VWA3A: variants seen among roughly 807,000 people sequenced by gnomAD.
VWA3A encodes von Willebrand factor A domain-containing protein 3A.
VWA3A carries 134 observed loss-of-function variants against 160.4 expected under a neutral mutation model. That is an observed-to-expected ratio of 0.84 (90% CI 0.73 to 0.96). The LOEUF is 0.96. Among genes scored for constraint, VWA3A ranks in the 40% least tolerant of loss-of-function variants. VWA3A has a pLI of 0.00. For missense variants in VWA3A, 1,310 were observed against 1,447.9 expected (o/e 0.90, Z 1.55); for synonymous variants, 476 against 543.4 (o/e 0.88, Z 1.72).
intron 29 of VWA3A, among the ~76,000 whole-genome samples, chr16:22,150,282 T>A (rs908721978): frequency 1.3e-5 from 2 of 152,094 alleles, no homozygotes; most frequent in East Asian, 3.8e-4. Context: ...ATGCCTGTAA[T>A]CCCAACTACT....
intron 18 of VWA3A, 96 bp from the exon 19 acceptor site, chr16:22,131,488 AT>A: frequency 6.4e-7 from 1 of 1,551,898 alleles, no homozygotes; most frequent in African/African-American, 1.4e-5. Flanking sequence ...CATCGACTCC[AT>A]CACGTCTGAG....
In VWA3A at chr16:22,135,746, T is replaced by C. The variant is rs972229193; in HGVS notation, c.2139+1308T>C. Among the ~76,000 whole-genome samples, 13 of 152,294 alleles carry C rather than the reference T, an allele frequency of 8.5e-5. No individual in the cohort carries two copies. In the South Asian group the frequency reaches 1.0e-3, roughly 12 times the overall value. On this transcript the variant is annotated intron_variant, in intron 21 of 33. Coordinates refer to ENST00000389398, the MANE Select transcript of VWA3A (RefSeq NM_173615.5). ...TCCTCTGTCCTTCCCATCCCAGACC[T>C]TTCATGGCTTGCTCCTTATCATTAG...
chr16:22,118,827 G>A, intron 11 of VWA3A, 75 bp from the exon 12 acceptor site: 1 of 1,586,846 alleles, frequency 6.3e-7, no homozygotes, highest in Admixed American at 1.7e-5. Flanking sequence ...TGGCCTGGCT[G>A]CTTGCCCCTT....
chr16:22,110,890 C>G lies in VWA3A; in HGVS notation c.585C>G (p.Ser195Arg), dbSNP rs768454235. 1.9e-5 allele frequency: 31 copies of G among 1,603,786 alleles called. No homozygotes were observed. The South Asian group carries it at 3.2e-4, about 16-fold the overall frequency. Residue 195 changes from serine (S) to arginine (R), a missense_variant and splice_region_variant, in exon 8 of 34, where the codon AGC (serine) becomes AGG (arginine). Coordinates refer to ENST00000389398, the MANE Select transcript of VWA3A (RefSeq NM_173615.5). ...QKEEFQKDLMSLIDEQLSHKE... is the reference protein window; with the variant it reads ...QKEEFQKDLMRLIDEQLSHKE... ...AGTGATGTCCTTTTGTCCAACAGAG[C>G]CTCATCGATGAGCAGCTGAGCCACA... is the stretch of plus-strand genomic sequence containing the variant.
intron 6 of VWA3A, among the ~76,000 whole-genome samples, chr16:22,106,732 G>A (rs963742405): frequency 6.6e-6 from 1 of 152,194 alleles, no homozygotes; most frequent in Admixed American, 6.5e-5. Flanking sequence ...AAAGAATCAC[G>A]CTGGCTGCTG....
At chr16:22,117,565 C>T (rs2045668718) in intron 11 of VWA3A, among the ~76,000 whole-genome samples, 1 of 152,210 alleles carries the variant, frequency 6.6e-6, no homozygotes. Context: ...AGATCAACTC[C>T]TGCTACTGCA....
Position 22,100,216 on chromosome 16 carries a change from A to C in VWA3A, c.248A>C (p.Gln83Pro). ...DLLRLQGSET[Q>P]SSDWEDSEDW... ...CAGAGGCTGCAGGGGAGTGAGACCC[A>C]GTCTTCAGATTGGGAGGACTCTGAA... Residue 83 changes from glutamine (Q) to proline (P), a missense_variant, in exon 4 of 34, where the codon CAG becomes CCG. Transcript: ENST00000389398. 6.5e-7 allele frequency: 1 copy of C among 1,549,780 alleles called. No homozygotes were observed. The highest frequency in any genetic ancestry group is 8.7e-7 in the Non-Finnish European group (1 of 1,146,668).
rs538640938 is a variant in VWA3A at position 22,114,011 on chromosome 16, T to C, written c.690-1336T>C. On this transcript the variant is annotated intron_variant, in intron 8 of 33. Coordinates refer to ENST00000389398, the MANE Select transcript of VWA3A (RefSeq NM_173615.5). ...TAATTAGAAAGCAACCATATATCTT[T>C]CTTTAATGGCTTTGAGAAAAAAAAA... Among the ~76,000 whole-genome samples, 4 of 152,078 alleles carry C rather than the reference T, an allele frequency of 2.6e-5. No individual in the cohort carries two copies. In the South Asian group the frequency reaches 8.3e-4, roughly 32 times the overall value.
In VWA3A at chr16:22,149,670, C is replaced by T. The variant is rs367592553; in HGVS notation, c.2985-117C>T. On this transcript the variant is annotated intron_variant, in intron 28 of 33. Transcript: ENST00000389398. The stretch of plus-strand genomic sequence containing the variant: ...GGCTCGTTGTAGGGGTCTTCAGTGA[C>T]GAGCAAGAATAGTCCTCATGAGGGT... 20 of 1,300,430 alleles carry T rather than the reference C, an allele frequency of 1.5e-5. No homozygotes were observed. In the Admixed American group the frequency reaches 2.0e-4, roughly 13 times the overall value. The allele number at this position is 1,300,430 out of a possible 1,614,324, so 80.6% of individuals were successfully genotyped here.
At chr16:22,099,968 G>A (rs376833600) in intron 3 of VWA3A, among the ~76,000 whole-genome samples, 1 of 152,032 alleles carries the variant, frequency 6.6e-6, no homozygotes, top group African/African-American at 2.4e-5. Flanking sequence ...CCAGCTACTC[G>A]GGAGGCAGAG....
At position 22,140,172 on chromosome 16, in the gene VWA3A, G is replaced by T. The variant is rs775952727; in HGVS notation, c.2311G>T (p.Asp771Tyr). The part of the protein sequence containing the change: ...GARMSIKDDP[D>Y]REKSPPLKSL... Reference sequence around the variant, plus strand: ...TTTCTAGAGCATTAAAGATGACCCTGACAGAGAGAAGAGCCCCCCGCTGAA... The same window carrying T: ...TTTCTAGAGCATTAAAGATGACCCTTACAGAGAGAAGAGCCCCCCGCTGAA... Residue 771 changes from aspartate (D) to tyrosine (Y), a missense_variant, in exon 23 of 34, where the codon GAC becomes TAC. Transcript: ENST00000389398. The T allele has an allele frequency of 1.9e-6, 3 of 1,613,604 alleles. No homozygotes were observed. In the South Asian group the frequency reaches 3.3e-5, roughly 18 times the overall value.
intron 5 of VWA3A, 116 bp from the exon 6 acceptor site, chr16:22,103,359 C>A: frequency 1.1e-6 from 1 of 937,260 alleles, no homozygotes; most frequent in Non-Finnish European, 1.6e-6. Context: ...CTTCCAAGAA[C>A]CTATGCACAT....
At chr16:22,092,784 A>T (rs1352888901) in intron 1 of VWA3A, 133 bp downstream of exon 1, 3 of 1,146,212 alleles carry the variant, frequency 2.6e-6, no homozygotes, top group Non-Finnish European at 2.4e-6. Context: ...CATGCCGAGC[A>T]TTGGGCTAAA....
At chr16:22,104,035 A>C (rs2045446584) in intron 6 of VWA3A, among the ~76,000 whole-genome samples, 1 of 152,146 alleles carries the variant, frequency 6.6e-6, no homozygotes, top group Non-Finnish European at 1.5e-5. Context: ...TGAAAAAGAG[A>C]GACAGATGGT....
At chr16:22,119,112 G>C (rs1598064663) in intron 12 of VWA3A, 85 bp downstream of exon 12, 2 of 1,471,162 alleles carry the variant, frequency 1.4e-6, no homozygotes, top group Non-Finnish European at 1.8e-6. Context: ...GTTCATAGGG[G>C]GCACAGCTGC....
At chr16:22,116,255 A>G (rs1390510596) in intron 9 of VWA3A, 1 of 410,838 alleles carries the variant, frequency 2.4e-6, no homozygotes, top group Non-Finnish European at 4.6e-6. Flanking sequence ...GAAAGATGGA[A>G]GAGAGAGAAA....
intron 29 of VWA3A, among the ~76,000 whole-genome samples, chr16:22,150,175 G>C (rs2046324283): frequency 6.6e-6 from 1 of 152,186 alleles, no homozygotes; most frequent in South Asian, 2.1e-4. Flanking sequence ...GGCAAGGCAG[G>C]TGGATCACCT....
At chr16:22,155,730 A>G in intron 32 of VWA3A, 66 bp downstream of exon 32, 2 of 1,600,178 alleles carry the variant, frequency 1.2e-6, no homozygotes, top group Non-Finnish European at 1.7e-6. Context: ...CCCGGACCCC[A>G]TCGAGAAGGG....
chr16:22,151,006 A>T (rs1279048615), intron 30 of VWA3A, among the ~76,000 whole-genome samples, 160 bp downstream of exon 30: 1 of 152,154 alleles, frequency 6.6e-6, no homozygotes, highest in African/African-American at 2.4e-5. Flanking sequence ...GCGGCCGGGC[A>T]TGCTGGCTCA....
Sources: allele counts gnomAD v4.1 joint callset (sites outside exome capture counted in the v4.1 genomes callset), GRCh38; gene constraint gnomAD v4.1.1; transcripts MANE v1.5; gene names NCBI Gene and HGNC (gene_info 2026-07-23, HGNC 2026-07-21).